DOCK2: variants seen among roughly 807,000 people sequenced by gnomAD.
DOCK2 encodes dedicator of cytokinesis protein 2.
DOCK2 carries 87 observed loss-of-function variants against 248.9 expected under a neutral mutation model. That is an observed-to-expected ratio of 0.35 (90% CI 0.29 to 0.42). The LOEUF (loss-of-function observed/expected upper bound fraction) is 0.42. Ranked by LOEUF, DOCK2 falls within the 10% of genes least tolerant of loss-of-function variation. The probability of loss-of-function intolerance (pLI) is 1.00; values close to 1 mark genes in which losing one functional copy is unlikely to be tolerated. For missense variants in DOCK2, 1,747 were observed against 2,300.2 expected (o/e 0.76, Z 4.92); for synonymous variants, 805 against 821.6 (o/e 0.98, Z 0.35).
rs139852699 is a variant in DOCK2, at chr5:169,899,723, C to A, written c.2799+58871C>A. 4.5e-4 allele frequency among the ~76,000 whole-genome samples: 68 copies of A among 152,286 alleles called. 2 individuals carry two copies. The highest frequency in any genetic ancestry group is 3.4e-3 in the Middle Eastern group (1 of 294). ...CATCCAAAGTGAGACTTTCAATGTT[C>A]CTTTCCATTCCTTGTTGGCATACAA... On this transcript the variant is annotated intron_variant, in intron 27 of 51. Coordinates refer to ENST00000520908, the MANE Select transcript of DOCK2 (RefSeq NM_004946.3).
chr5:169,778,940 C>T (rs13171681), intron 25 of DOCK2, among the ~76,000 whole-genome samples: 19,532 of 152,050 alleles, frequency 0.13, 1,579 homozygotes, highest in Non-Finnish European at 0.18. Flanking sequence ...ATGTGGTATT[C>T]GTTTTTCTGT....
intron 45 of DOCK2, 64 bp downstream of exon 45, chr5:170,067,750 A>C: frequency 6.4e-7 from 1 of 1,563,366 alleles, no homozygotes; most frequent in East Asian, 2.2e-5. Flanking sequence ...GGGAGGACCC[A>C]GGGGGCAGAT....
chr5:169,715,550 T>C lies in DOCK2; in HGVS notation c.1942-663T>C, dbSNP rs187501286. 4.7e-3 allele frequency among the ~76,000 whole-genome samples: 718 copies of C among 152,214 alleles called. 3 individuals are homozygous for C. Among genetic ancestry groups the C allele is most frequent in the Non-Finnish European group, 7.4e-3 (505 of 68,000 alleles). On this transcript the variant is annotated intron_variant, in intron 19 of 51. Transcript: ENST00000520908. Reference sequence around the variant, plus strand: ...GCCTTTTGGTAGCTTGGAGAAGTCATGGAAGAGATGAGGCTTTTGTTGTCT... The same window carrying C: ...GCCTTTTGGTAGCTTGGAGAAGTCACGGAAGAGATGAGGCTTTTGTTGTCT...
chr5:170,067,751 G>A, intron 45 of DOCK2, 65 bp downstream of exon 45: 2 of 1,551,120 alleles, frequency 1.3e-6, no homozygotes, highest in Admixed American at 3.6e-5. Context: ...GGAGGACCCA[G>A]GGGGCAGATG....
chr5:169,755,279 G>A (rs1156307877), intron 23 of DOCK2, among the ~76,000 whole-genome samples: 3 of 151,906 alleles, frequency 2.0e-5, no homozygotes, highest in African/African-American at 7.3e-5. Context: ...ATTCATAATC[G>A]TATTATATGA....
chr5:170,013,609 G>T (rs1162267187), intron 32 of DOCK2, among the ~76,000 whole-genome samples: 1 of 151,978 alleles, frequency 6.6e-6, no homozygotes, highest in African/African-American at 2.4e-5. Flanking sequence ...GCTGGGGAAG[G>T]CAAGGAAATA....
At chr5:169,797,216 G>A (rs972454292) in intron 25 of DOCK2, among the ~76,000 whole-genome samples, 1 of 152,206 alleles carries the variant, frequency 6.6e-6, no homozygotes, top group Non-Finnish European at 1.5e-5. Context: ...ACAGACTTGT[G>A]GGGAAGAGGG....
At chr5:169,722,289 A>G (rs1762250229) in intron 22 of DOCK2, among the ~76,000 whole-genome samples, 1 of 152,168 alleles carries the variant, frequency 6.6e-6, no homozygotes, top group African/African-American at 2.4e-5. Flanking sequence ...GGAGCAGACC[A>G]TGCTTCCCTG....
chr5:169,871,050 G>T (rs904558438), intron 27 of DOCK2, among the ~76,000 whole-genome samples: 10 of 152,132 alleles, frequency 6.6e-5, no homozygotes, highest in African/African-American at 2.4e-4. Flanking sequence ...GGCAGAAAGG[G>T]GAGAGGGACC....
At position 169,637,315 on chromosome 5, in the gene DOCK2, C is replaced by T. The variant is rs775563919; in HGVS notation, c.-12C>T. The T allele has an allele frequency of 2.2e-5, 31 of 1,426,526 alleles. No individual in the cohort carries two copies. The highest frequency in any genetic ancestry group is 2.8e-5 in the Non-Finnish European group (31 of 1,092,516). The allele number at this position is 1,426,526 out of a possible 1,614,324, so 88.4% of individuals were successfully genotyped here. ...GCTTCCCCACGGGAGGACGCGAGGCCCCGGCCCAGCCATGGCCCCCTGGCG... is the reference window on the plus strand; with the variant it reads ...GCTTCCCCACGGGAGGACGCGAGGCTCCGGCCCAGCCATGGCCCCCTGGCG... On this transcript the variant is annotated 5_prime_UTR_variant, in exon 1 of 52. Transcript: ENST00000520908.
intron 30 of DOCK2, among the ~76,000 whole-genome samples, chr5:170,002,618 GTTAA>G (rs1296935765): frequency 1.3e-5 from 2 of 151,984 alleles, no homozygotes; most frequent in Non-Finnish European, 2.9e-5. Flanking sequence ...TTTTTTGAGA[GTTAA>G]TTAAAGTAAC....
chr5:169,860,693 A>G (rs1771145541), intron 27 of DOCK2, among the ~76,000 whole-genome samples: 2 of 152,190 alleles, frequency 1.3e-5, no homozygotes, highest in African/African-American at 4.8e-5. Flanking sequence ...AGGAAAAGGA[A>G]TACTGAATCA....
chr5:170,076,578 C>A (rs990963821), intron 47 of DOCK2, among the ~76,000 whole-genome samples: 1 of 152,232 alleles, frequency 6.6e-6, no homozygotes, highest in Non-Finnish European at 1.5e-5. Flanking sequence ...GACCGCTGAG[C>A]TCCTTGGCCT....
At chr5:170,005,632 A>C (rs1165169200) in intron 30 of DOCK2, among the ~76,000 whole-genome samples, 2 of 152,104 alleles carry the variant, frequency 1.3e-5, no homozygotes, top group Non-Finnish European at 2.9e-5. Context: ...GCGTGATGAA[A>C]ATGTTCCAAA....
At chr5:169,972,226 A>C (rs1240829615) in intron 27 of DOCK2, among the ~76,000 whole-genome samples, 3 of 152,146 alleles carry the variant, frequency 2.0e-5, no homozygotes, top group Non-Finnish European at 2.9e-5. Context: ...TTCTACCCTC[A>C]TAGATTGTTC....
At chr5:169,690,032 A>G (rs1760201421) in intron 9 of DOCK2, among the ~76,000 whole-genome samples, 1 of 151,910 alleles carries the variant, frequency 6.6e-6, no homozygotes, top group Non-Finnish European at 1.5e-5. Context: ...TCCTGTTTCC[A>G]TAAGGGTGTG....
intron 30 of DOCK2, among the ~76,000 whole-genome samples, chr5:169,999,163 C>A (rs891479960): frequency 1.3e-5 from 2 of 152,194 alleles, no homozygotes; most frequent in African/African-American, 2.4e-5. Flanking sequence ...AGGTTTATAT[C>A]CTGTTTTCCT....
intron 27 of DOCK2, among the ~76,000 whole-genome samples, chr5:169,948,492 TCTGA>T (rs1165117339): frequency 5.9e-5 from 9 of 152,268 alleles, no homozygotes; most frequent in South Asian, 4.1e-4. Context: ...TATCTGTATA[TCTGA>T]CTATCATCTA....
intron 27 of DOCK2, among the ~76,000 whole-genome samples, chr5:169,942,593 A>T (rs948043336): frequency 6.6e-6 from 1 of 152,194 alleles, no homozygotes; most frequent in African/African-American, 2.4e-5. Context: ...AGGAGGAGGA[A>T]TTTTTCACCA....
Sources: gnomAD v4.1 joint callset for allele counts (sites outside exome capture counted in the v4.1 genomes callset) on GRCh38, gnomAD v4.1.1 for gene constraint, MANE v1.5 for transcripts, NCBI Gene and HGNC (gene_info 2026-07-23, HGNC 2026-07-21) for gene names.